SNTG1: variants seen among roughly 807,000 people sequenced by gnomAD.
The protein encoded by SNTG1 is gamma-1-syntrophin.
In SNTG1, 39 loss-of-function variants were observed where a neutral mutation model predicts 74.7. The observed-to-expected ratio is 0.52, with a 90% CI of 0.40 to 0.68. The LOEUF is 0.68. Ranked by LOEUF, SNTG1 falls within the 30% of genes least tolerant of loss-of-function variation. The pLI, the probability that SNTG1 is intolerant of heterozygous loss-of-function variation, is 0.00. For synonymous variants in SNTG1, 254 were observed against 217.1 expected, an observed-to-expected ratio of 1.17 and a Z score of -1.49; for missense variants, 685 against 609.5, an observed-to-expected ratio of 1.12 and a Z score of -1.30.
At chr8:50,567,510 A>T (rs1232878142) in intron 12 of SNTG1, among the ~76,000 whole-genome samples, 5 of 152,108 alleles carry the variant, frequency 3.3e-5, no homozygotes. Flanking sequence ...AGAAATATAC[A>T]TATACATACA....
At chr8:50,462,055 C>G (rs1323219826) in intron 8 of SNTG1, among the ~76,000 whole-genome samples, 2 of 152,022 alleles carry the variant, frequency 1.3e-5, no homozygotes, top group Admixed American at 6.6e-5. Context: ...GTACTCTGCT[C>G]CAATGACAGG....
chr8:50,318,961 A>G (rs1284613827), intron 2 of SNTG1, among the ~76,000 whole-genome samples: 1 of 151,700 alleles, frequency 6.6e-6, no homozygotes, highest in Admixed American at 6.6e-5. Flanking sequence ...ATATCTACGT[A>G]TGTATATTTA....
intron 8 of SNTG1, among the ~76,000 whole-genome samples, chr8:50,493,974 G>C (rs1463417881): frequency 1.3e-5 from 2 of 151,734 alleles, no homozygotes; most frequent in Non-Finnish European, 2.9e-5. Flanking sequence ...AGAGCCCTAA[G>C]TTGGAGGGTT....
intron 13 of SNTG1, among the ~76,000 whole-genome samples, chr8:50,648,991 C>CTT (rs1554599095): frequency 2.0e-5 from 3 of 152,076 alleles, no homozygotes; most frequent in Non-Finnish European, 4.4e-5. Flanking sequence ...ATATTGGTTT[C>CTT]TTTCAGTTAA....
intron 1 of SNTG1, among the ~76,000 whole-genome samples, chr8:49,973,909 G>A (rs940257965): frequency 6.6e-6 from 1 of 152,146 alleles, no homozygotes; most frequent in African/African-American, 2.4e-5. Flanking sequence ...TTCAAATTAA[G>A]TAATAGAAGA....
At chr8:50,659,363 GA>G (rs2131282278) in intron 15 of SNTG1, among the ~76,000 whole-genome samples, 1 of 152,246 alleles carries the variant, frequency 6.6e-6, no homozygotes, top group Non-Finnish European at 1.5e-5. Context: ...ACTCACCACA[GA>G]TTGATAATTA....
At chr8:50,531,627 C>T (rs1471672834) in intron 10 of SNTG1, among the ~76,000 whole-genome samples, 1 of 152,178 alleles carries the variant, frequency 6.6e-6, no homozygotes, top group African/African-American at 2.4e-5. Context: ...GCTTATCCCT[C>T]TTGTCTGGAT....
intron 13 of SNTG1, among the ~76,000 whole-genome samples, chr8:50,651,222 CT>C (rs1266798319): frequency 9.4e-5 from 14 of 149,140 alleles, no homozygotes; most frequent in East Asian, 7.8e-4. Flanking sequence ...CCAATACTTC[CT>C]TTTTTTTTGT....
chr8:49,989,595 T>G (rs1055440542), intron 1 of SNTG1, among the ~76,000 whole-genome samples: 4 of 151,906 alleles, frequency 2.6e-5, no homozygotes, highest in African/African-American at 9.7e-5. Context: ...CTTCCCAACT[T>G]ACATTATGAG....
chr8:50,113,586 G>T (rs537909602), intron 1 of SNTG1, among the ~76,000 whole-genome samples: 5 of 152,074 alleles, frequency 3.3e-5, no homozygotes, highest in East Asian at 1.9e-4. Context: ...TCTTTCTCCT[G>T]CCTGATTGCC....
chr8:50,697,649 ATGT>A (rs1225307960), intron 15 of SNTG1, among the ~76,000 whole-genome samples: 2 of 152,050 alleles, frequency 1.3e-5, no homozygotes, highest in Non-Finnish European at 2.9e-5. Context: ...TTATGAAGCG[ATGT>A]TGAATTTTAA....
chr8:50,344,413 A>C (rs1470830801), intron 2 of SNTG1, among the ~76,000 whole-genome samples: 1 of 152,194 alleles, frequency 6.6e-6, no homozygotes, highest in East Asian at 1.9e-4. Context: ...CCTGGGAGGC[A>C]GGCAGCCTCA....
At chr8:50,026,194 A>T (rs1389259955) in intron 1 of SNTG1, among the ~76,000 whole-genome samples, 1 of 152,162 alleles carries the variant, frequency 6.6e-6, no homozygotes, top group East Asian at 1.9e-4. Flanking sequence ...CAGTTTCTAG[A>T]TTGAGTCCAT....
At chr8:50,442,066 G>A (rs897452373) in intron 5 of SNTG1, among the ~76,000 whole-genome samples, 1 of 152,172 alleles carries the variant, frequency 6.6e-6, no homozygotes, top group African/African-American at 2.4e-5. Context: ...TGGAAAAGCA[G>A]ATGCCTTGAC....
intron 1 of SNTG1, among the ~76,000 whole-genome samples, chr8:50,123,602 C>A (rs921928843): frequency 7.0e-6 from 1 of 142,232 alleles, no homozygotes; most frequent in African/African-American, 2.5e-5. Context: ...TATTATATGT[C>A]ATTAATTCTC....
At chr8:50,298,440 A>G (rs1219766752) in intron 2 of SNTG1, among the ~76,000 whole-genome samples, 2 of 152,122 alleles carry the variant, frequency 1.3e-5, no homozygotes, top group Non-Finnish European at 2.9e-5. Flanking sequence ...CTTTGTAAGC[A>G]GAGAAAACTC....
chr8:50,057,507 T>G (rs1217179837), intron 1 of SNTG1, among the ~76,000 whole-genome samples: 2 of 152,030 alleles, frequency 1.3e-5, no homozygotes, highest in Non-Finnish European at 2.9e-5. Flanking sequence ...GAGAACAAGG[T>G]CAAAGTCAAA....
chr8:50,114,817 A>G (rs1004838149), intron 1 of SNTG1, among the ~76,000 whole-genome samples: 23 of 152,206 alleles, frequency 1.5e-4, no homozygotes, highest in Non-Finnish European at 3.2e-4. Flanking sequence ...ATGAGCCGAG[A>G]TCGTGCCAAT....
At chr8:50,510,658 C>T (rs769016873) in intron 9 of SNTG1, among the ~76,000 whole-genome samples, 17 of 152,016 alleles carry the variant, frequency 1.1e-4, no homozygotes, top group East Asian at 3.9e-4. Context: ...GTGTATATGT[C>T]GAGGAATTTA....
Sources: allele counts gnomAD v4.1 joint callset (sites outside exome capture counted in the v4.1 genomes callset), GRCh38; gene constraint gnomAD v4.1.1; transcripts MANE v1.5; gene names NCBI Gene and HGNC (gene_info 2026-07-23, HGNC 2026-07-21).